The following HPSE2 variants were observed in gnomAD, a reference collection of about 807,000 sequenced individuals.
HPSE2 encodes the protein heparanase 2 (inactive), also known as inactive heparanase-2.
In HPSE2, 38 loss-of-function variants were observed where a neutral mutation model predicts 60.5. That is an observed-to-expected ratio of 0.63 (90% CI 0.48 to 0.82). The LOEUF (loss-of-function observed/expected upper bound fraction) is 0.82. Among genes scored for constraint, HPSE2 ranks in the 40% least tolerant of loss-of-function variants. The pLI is 0.00. For synonymous variants in HPSE2, 295 were observed against 293.2 expected (o/e 1.01, Z -0.06); for missense variants, 713 against 740.4 (o/e 0.96, Z 0.43).
intron 3 of HPSE2, among the ~76,000 whole-genome samples, chr10:98,956,386 G>T (rs1379055572): frequency 6.6e-6 from 1 of 152,182 alleles, no homozygotes; most frequent in African/African-American, 2.4e-5. Flanking sequence ...TTTGGAATAA[G>T]TTTGGCTGCA....
intron 3 of HPSE2, among the ~76,000 whole-genome samples, chr10:98,836,998 C>T (rs537885577): frequency 6.4e-4 from 97 of 152,160 alleles, no homozygotes; most frequent in African/African-American, 2.0e-3. Context: ...TGAGCTGAGA[C>T]GGTGCCACTG....
intron 3 of HPSE2, among the ~76,000 whole-genome samples, chr10:98,792,700 G>A (rs565102875): frequency 8.6e-5 from 13 of 151,428 alleles, no homozygotes; most frequent in African/African-American, 2.9e-4. Context: ...GGGTCAGAGT[G>A]GTGGTTGTTT....
At chr10:98,660,262 T>C (rs1421503609) in intron 6 of HPSE2, among the ~76,000 whole-genome samples, 4 of 152,220 alleles carry the variant, frequency 2.6e-5, no homozygotes, top group Admixed American at 2.0e-4. Context: ...TTGTTAGCAC[T>C]ATGAGTGCAG....
intron 3 of HPSE2, among the ~76,000 whole-genome samples, chr10:99,113,981 C>T (rs1176257291): frequency 6.6e-6 from 1 of 152,076 alleles, no homozygotes; most frequent in Non-Finnish European, 1.5e-5. Context: ...TATATTTAAT[C>T]CAATTTATTT....
the HPSE2 span, among the ~76,000 whole-genome samples, chr10:99,245,044 G>A: frequency 6.6e-6 from 1 of 152,010 alleles, no homozygotes; most frequent in Non-Finnish European, 1.5e-5. Flanking sequence ...CTCTTGGGAA[G>A]TATATTTAAT....
chr10:99,315,918 G>C, the HPSE2 span, among the ~76,000 whole-genome samples: 4 of 152,150 alleles, frequency 2.6e-5, no homozygotes, highest in Non-Finnish European at 5.9e-5. Flanking sequence ...CTCAAAGAGG[G>C]GGATGCTCAC....
At chr10:98,819,714 G>A (rs921798867) in intron 3 of HPSE2, among the ~76,000 whole-genome samples, 2 of 152,022 alleles carry the variant, frequency 1.3e-5, no homozygotes, top group Non-Finnish European at 2.9e-5. Flanking sequence ...AATCCACTGG[G>A]CTCTCCTGAT....
intron 3 of HPSE2, among the ~76,000 whole-genome samples, chr10:98,936,789 G>C (rs1954805571): frequency 7.1e-6 from 1 of 141,506 alleles, no homozygotes; most frequent in South Asian, 2.1e-4. Context: ...GACTAGCCTG[G>C]CCAACATGGG....
intron 9 of HPSE2, among the ~76,000 whole-genome samples, chr10:98,533,767 T>C (rs188719222): frequency 6.6e-6 from 1 of 152,306 alleles, no homozygotes. Flanking sequence ...CTCTGGAAAT[T>C]TGAAAATCGG....
the HPSE2 span, among the ~76,000 whole-genome samples, chr10:99,264,829 T>C: frequency 6.6e-6 from 1 of 151,922 alleles, no homozygotes; most frequent in Admixed American, 6.6e-5. Flanking sequence ...CCCCAAAATC[T>C]TTCCTCAGTT....
At chr10:98,741,259 T>C (rs1487131586) in intron 4 of HPSE2, among the ~76,000 whole-genome samples, 2 of 152,190 alleles carry the variant, frequency 1.3e-5, no homozygotes, top group Non-Finnish European at 2.9e-5. Flanking sequence ...TTCCTATCTA[T>C]ATTCCTATTT....
chr10:98,731,016 G>A (rs577830263), intron 4 of HPSE2, among the ~76,000 whole-genome samples: 5 of 152,214 alleles, frequency 3.3e-5, no homozygotes, highest in Admixed American at 6.5e-5. Context: ...TGGGTGCAGT[G>A]GCTCACGCCT....
At chr10:98,588,163 T>C (rs184018909) in intron 9 of HPSE2, among the ~76,000 whole-genome samples, 2 of 152,296 alleles carry the variant, frequency 1.3e-5, no homozygotes, top group East Asian at 3.9e-4. Flanking sequence ...TCTCTCTAAA[T>C]TGTCAAAGCT....
In HPSE2 at chr10:99,190,859, G is replaced by A. The variant is rs568595679; in HGVS notation, c.448+41489C>T. On this transcript the variant is annotated intron_variant, in intron 2 of 11. Coordinates refer to ENST00000370552, the MANE Select transcript of HPSE2 (RefSeq NM_021828.5). ...CTCTAGGCCTTGGCTCCTAGATGGCGTGTCTGGACCTGCCCTGGGCCAGAG... is the reference window on the plus strand; with the variant it reads ...CTCTAGGCCTTGGCTCCTAGATGGCATGTCTGGACCTGCCCTGGGCCAGAG... 6.5e-4 allele frequency among the ~76,000 whole-genome samples: 99 copies of A among 152,298 alleles called. No homozygotes were observed. The South Asian group carries it at 0.018, about 27-fold the overall frequency.
intron 9 of HPSE2, among the ~76,000 whole-genome samples, chr10:98,600,654 C>A (rs1429696291): frequency 2.6e-5 from 4 of 151,504 alleles, no homozygotes; most frequent in African/African-American, 9.7e-5. Flanking sequence ...CTCAGTATTT[C>A]ATATAAGTGC....
chr10:99,188,966 C>A (rs892786361), intron 2 of HPSE2, among the ~76,000 whole-genome samples: 3 of 152,174 alleles, frequency 2.0e-5, no homozygotes, highest in African/African-American at 4.8e-5. Flanking sequence ...CCTCTTTTAA[C>A]ACAAGAGACA....
intron 3 of HPSE2, among the ~76,000 whole-genome samples, chr10:98,939,880 G>A (rs567655398): frequency 7.0e-6 from 1 of 143,636 alleles, no homozygotes; most frequent in African/African-American, 2.8e-5. Flanking sequence ...ATAACAAACT[G>A]TCTCTCAGAC....
intron 3 of HPSE2, among the ~76,000 whole-genome samples, chr10:98,761,304 T>C (rs1255121905): frequency 6.6e-6 from 1 of 152,136 alleles, no homozygotes; most frequent in Non-Finnish European, 1.5e-5. Flanking sequence ...AAGAGTTGGC[T>C]TTTTGAAAAG....
At chr10:99,149,863 GTT>G (rs555264387) in intron 2 of HPSE2, among the ~76,000 whole-genome samples, 1 of 144,880 alleles carries the variant, frequency 6.9e-6, no homozygotes. Context: ...CCCTATGCTT[GTT>G]TTTTTTTTTT....
Sources: allele counts gnomAD v4.1 joint callset (sites outside exome capture counted in the v4.1 genomes callset), GRCh38; gene constraint gnomAD v4.1.1; transcripts MANE v1.5; gene names NCBI Gene and HGNC (gene_info 2026-07-23, HGNC 2026-07-21).